SPATA1: variants seen among roughly 807,000 people sequenced by gnomAD.
The protein encoded by SPATA1 is spermatogenesis associated 1, also known as spermatogenesis-associated protein 1.
Under a neutral mutation model 59.6 loss-of-function variants are expected in SPATA1, and 57 were observed. The observed-to-expected ratio is 0.96, with a 90% CI of 0.77 to 1.19. The LOEUF (loss-of-function observed/expected upper bound fraction) is 1.19, where lower values mean the gene tolerates loss of function less well. Among genes scored for constraint, SPATA1 ranks in the 50% most tolerant of loss-of-function variants. The probability of loss-of-function intolerance (pLI) is 0.00; values close to 1 mark genes in which losing one functional copy is unlikely to be tolerated. For missense variants in SPATA1, 448 were observed against 480.7 expected (o/e 0.93, Z 0.64); for synonymous variants, 147 against 163.9 (o/e 0.90, Z 0.79).
At chr1:84,542,664 T>C in intron 8 of SPATA1, among the ~76,000 whole-genome samples, 1 of 152,180 alleles carries the variant, frequency 6.6e-6, no homozygotes, top group East Asian at 1.9e-4. Flanking sequence ...CTAGTAGTCT[T>C]TATTTCCTCA....
At chr1:84,523,358 T>A (rs1683101277) in intron 4 of SPATA1, among the ~76,000 whole-genome samples, 1 of 152,236 alleles carries the variant, frequency 6.6e-6, no homozygotes. Flanking sequence ...ACATAAATTT[T>A]ATTTCCTTAA....
intron 1 of SPATA1, among the ~76,000 whole-genome samples, chr1:84,510,742 G>A (rs895941583): frequency 2.0e-5 from 3 of 152,164 alleles, no homozygotes; most frequent in African/African-American, 7.2e-5. Flanking sequence ...CAATAGCCAA[G>A]ATTTAAAAGC....
At chr1:84,561,632 T>C (rs190815721) in intron 4 of SPATA1, among the ~76,000 whole-genome samples, 2 of 152,280 alleles carry the variant, frequency 1.3e-5, no homozygotes, top group South Asian at 2.1e-4. Context: ...GAAGAGTCAA[T>C]TGACGTGGCA....
At chr1:84,554,009 G>C (rs552657266) in exon 13 of SPATA1, 1 of 152,284 alleles carries the variant, frequency 6.6e-6, no homozygotes, top group South Asian at 2.1e-4. Flanking sequence ...GCACAATGCA[G>C]CTCATGCCTG....
At chr1:84,549,178 T>G (rs1190862844) in intron 11 of SPATA1, among the ~76,000 whole-genome samples, 1 of 152,166 alleles carries the variant, frequency 6.6e-6, no homozygotes, top group Admixed American at 6.6e-5. Context: ...TGATATTTTC[T>G]TCCTATTATT....
At chr1:84,557,825 A>T (rs868642772), downstream of SPATA1, among the ~76,000 whole-genome samples, 5 of 150,720 alleles carry the variant, frequency 3.3e-5, no homozygotes, top group African/African-American at 9.8e-5. Context: ...GCCACTGCAC[A>T]CCAGCGTGGG....
At chr1:84,514,202 C>G (rs1022359165) in intron 1 of SPATA1, among the ~76,000 whole-genome samples, 4 of 152,048 alleles carry the variant, frequency 2.6e-5, no homozygotes, top group African/African-American at 9.7e-5. Context: ...GAGCTCTTTT[C>G]CCAGGTCTAA....
intron 8 of SPATA1, among the ~76,000 whole-genome samples, chr1:84,536,101 G>C (rs1683666739): frequency 6.6e-6 from 1 of 152,176 alleles, no homozygotes; most frequent in African/African-American, 2.4e-5. Context: ...ATCTCAGACT[G>C]GTTATTGCAA....
At chr1:84,535,502 G>A (rs991355488) in intron 8 of SPATA1, among the ~76,000 whole-genome samples, 1 of 151,978 alleles carries the variant, frequency 6.6e-6, no homozygotes, top group Non-Finnish European at 1.5e-5. Context: ...TATGTCACTA[G>A]TTTCTTTCAG....
chr1:84,525,080 G>T (rs562813251), intron 4 of SPATA1, among the ~76,000 whole-genome samples: 1 of 152,066 alleles, frequency 6.6e-6, no homozygotes, highest in Non-Finnish European at 1.5e-5. Context: ...AGGTTCAAGC[G>T]ATTCTCCTGC....
chr1:84,550,372 G>T, intron 11 of SPATA1, 60 bp from the exon 12 acceptor site: 1 of 750,940 alleles, frequency 1.3e-6, no homozygotes, highest in Non-Finnish European at 2.0e-6. Flanking sequence ...TGTTCACAAG[G>T]CAGTTAAAAA....
At chr1:84,557,636 A>G (rs1417178314), downstream of SPATA1, among the ~76,000 whole-genome samples, 1 of 151,418 alleles carries the variant, frequency 6.6e-6, no homozygotes, top group African/African-American at 2.4e-5. Context: ...TGGGCAGATC[A>G]TGAGGTCAGG....
Position 84,522,517 on chromosome 1 carries a change from C to T in SPATA1, c.261+10C>T, listed in dbSNP as rs771409178. ...AAATAATTTAGCTGTGGTAAGTTTT[C>T]TTTTTTTTTCTTTCTGATTGAGAAA... On this transcript the variant is annotated intron_variant, in intron 4 of 12. Transcript: ENST00000490879. 96 of 1,402,514 alleles carry T rather than the reference C, an allele frequency of 6.8e-5. No individual in the cohort carries two copies. Among genetic ancestry groups the T allele is most frequent in the Non-Finnish European group, 8.5e-5 (88 of 1,037,328 alleles). 86.9% of individuals were successfully genotyped at this position (1,402,514 alleles called of 1,614,324 possible). A position where few individuals can be genotyped will look rare whatever the true frequency, so the allele number is the denominator to read the frequency against.
At chr1:84,509,385 G>A (rs1194874385) in intron 1 of SPATA1, among the ~76,000 whole-genome samples, 1 of 152,236 alleles carries the variant, frequency 6.6e-6, no homozygotes, top group African/African-American at 2.4e-5. Flanking sequence ...AATGAAGCTA[G>A]ATGTCTCTCT....
chr1:84,547,968 G>C (rs1382747332), intron 10 of SPATA1, among the ~76,000 whole-genome samples: 1 of 152,206 alleles, frequency 6.6e-6, no homozygotes, highest in Non-Finnish European at 1.5e-5. Context: ...GTTAGAAAGA[G>C]AATGCAGACT....
chr1:84,523,637 C>T (rs78946058), intron 4 of SPATA1, among the ~76,000 whole-genome samples: 8,907 of 152,178 alleles, frequency 0.059, 405 homozygotes, highest in African/African-American at 0.12. Flanking sequence ...TAGGCATTTT[C>T]TTCCAAAGTA....
At chr1:84,559,899 A>T (rs1684553940) in intron 4 of SPATA1, among the ~76,000 whole-genome samples, 1 of 151,966 alleles carries the variant, frequency 6.6e-6, no homozygotes, top group African/African-American at 2.4e-5. Flanking sequence ...AGACTGGCCT[A>T]CATAGTGAAA....
At chr1:84,514,788 T>C (rs1254710464) in intron 1 of SPATA1, among the ~76,000 whole-genome samples, 2 of 152,200 alleles carry the variant, frequency 1.3e-5, no homozygotes, top group African/African-American at 2.4e-5. Context: ...CTGGCCAACA[T>C]GGTGAAAACC....
chr1:84,551,155 T>C (rs1273281429), intron 12 of SPATA1: 3 of 985,154 alleles, frequency 3.0e-6, no homozygotes, highest in Admixed American at 6.2e-5. Context: ...AAAAGCTTTT[T>C]TGTTGAACAG....
Sources: gnomAD v4.1 joint callset for allele counts (sites outside exome capture counted in the v4.1 genomes callset) on GRCh38, gnomAD v4.1.1 for gene constraint, MANE v1.5 for transcripts, NCBI Gene and HGNC (gene_info 2026-07-23, HGNC 2026-07-21) for gene names.